The following C12orf42 variants were observed in gnomAD, a reference collection of about 807,000 sequenced individuals.
C12orf42 encodes uncharacterized protein C12orf42.
A neutral mutation model predicts 21.6 loss-of-function variants in C12orf42; 25 were observed. The observed-to-expected ratio is 1.16, with a 90% CI of 0.84 to 1.62. C12orf42 has a LOEUF of 1.62. C12orf42 is among the 40% of genes most tolerant of loss of function. C12orf42 has a pLI of 0.00. For missense variants in C12orf42, 483 were observed against 459.3 expected, an observed-to-expected ratio of 1.05 and a Z score of -0.47; for synonymous variants, 174 against 175.0, an observed-to-expected ratio of 0.99 and a Z score of 0.05.
intron 3 of C12orf42, among the ~76,000 whole-genome samples, chr12:103,371,038 G>A (rs2137951520): frequency 6.6e-6 from 1 of 152,162 alleles, no homozygotes; most frequent in African/African-American, 2.4e-5. Flanking sequence ...TTTGGATATT[G>A]GATATTAAAG....
At chr12:103,289,094 CT>C (rs1365781777) in intron 4 of C12orf42, among the ~76,000 whole-genome samples, 1 of 152,084 alleles carries the variant, frequency 6.6e-6, no homozygotes, top group Non-Finnish European at 1.5e-5. Flanking sequence ...GTTCTATTAT[CT>C]TATTGCTTTA....
At chr12:103,449,182 T>C (rs1183933494) in intron 2 of C12orf42, among the ~76,000 whole-genome samples, 1 of 151,956 alleles carries the variant, frequency 6.6e-6, no homozygotes, top group African/African-American at 2.4e-5. Context: ...AATAATGGCA[T>C]TTGCAGAAAC....
At chr12:103,545,419 T>C in the C12orf42 span, among the ~76,000 whole-genome samples, 1 of 152,108 alleles carries the variant, frequency 6.6e-6, no homozygotes, top group Non-Finnish European at 1.5e-5. Flanking sequence ...TAGAAGAGCA[T>C]AAACAAAGAT....
At chr12:103,101,341 A>G in the C12orf42 span, among the ~76,000 whole-genome samples, 1 of 152,168 alleles carries the variant, frequency 6.6e-6, no homozygotes, top group African/African-American at 2.4e-5. Flanking sequence ...CTGCATTAAC[A>G]CCTCAGATAA....
At chr12:103,236,891 C>A (rs1353933567), downstream of C12orf42, among the ~76,000 whole-genome samples, 2 of 152,092 alleles carry the variant, frequency 1.3e-5, no homozygotes, top group African/African-American at 4.8e-5. Context: ...ATCTATGAGA[C>A]CAAAAATCCT....
At chr12:103,131,804 T>A in the C12orf42 span, among the ~76,000 whole-genome samples, 1,162 of 152,180 alleles carry the variant, frequency 7.6e-3, 20 homozygotes, top group African/African-American at 0.027. Flanking sequence ...GGTGATGTTG[T>A]TGTTGGGTAA....
intron 4 of C12orf42, among the ~76,000 whole-genome samples, chr12:103,323,238 G>A (rs1326386376): frequency 2.6e-5 from 4 of 152,156 alleles, no homozygotes; most frequent in Admixed American, 2.6e-4. Context: ...TCCTGAAGCG[G>A]ATTTCTACAG....
At chr12:103,340,272 A>G (rs894921926) in intron 4 of C12orf42, among the ~76,000 whole-genome samples, 7 of 152,236 alleles carry the variant, frequency 4.6e-5, no homozygotes, top group Admixed American at 3.9e-4. Context: ...GGCAGCGAGG[A>G]AACTGCTCTA....
the C12orf42 span, among the ~76,000 whole-genome samples, chr12:103,130,586 G>C: frequency 6.6e-6 from 1 of 152,238 alleles, no homozygotes; most frequent in East Asian, 1.9e-4. Flanking sequence ...TCATTCATTA[G>C]GGAGTAGGTT....
chr12:103,563,735 T>C, the C12orf42 span, among the ~76,000 whole-genome samples: 35 of 152,014 alleles, frequency 2.3e-4, no homozygotes, highest in Non-Finnish European at 4.9e-4. Context: ...GGAGAGCACA[T>C]GGAAAAAAGT....
chr12:103,528,859 C>G, the C12orf42 span, among the ~76,000 whole-genome samples: 2 of 152,126 alleles, frequency 1.3e-5, no homozygotes, highest in Non-Finnish European at 2.9e-5. Flanking sequence ...CTACCTAATC[C>G]TCTAATAACT....
chr12:103,483,977 C>G (rs1954649854), intron 1 of C12orf42, among the ~76,000 whole-genome samples: 1 of 152,188 alleles, frequency 6.6e-6, no homozygotes, highest in African/African-American at 2.4e-5. Context: ...CACATCCCAG[C>G]AAAGGACATG....
chr12:103,486,611 G>C (rs562838213), intron 1 of C12orf42, among the ~76,000 whole-genome samples: 1 of 152,192 alleles, frequency 6.6e-6, no homozygotes, highest in East Asian at 1.9e-4. Context: ...TGGTTGGTAG[G>C]CTATTAATTA....
intron 4 of C12orf42, among the ~76,000 whole-genome samples, chr12:103,348,182 TAAGA>T (rs914924483): frequency 1.3e-5 from 2 of 152,270 alleles, no homozygotes; most frequent in South Asian, 2.1e-4. Flanking sequence ...CTGGAATGTA[TAAGA>T]AAGAGATAAG....
At chr12:103,257,507 G>A (rs1263838447) in intron 10 of C12orf42, among the ~76,000 whole-genome samples, 1 of 148,688 alleles carries the variant, frequency 6.7e-6, no homozygotes, top group African/African-American at 2.4e-5. Context: ...TACAAGACAT[G>A]AAGAAGCAAT....
chr12:103,554,255 G>T, the C12orf42 span, among the ~76,000 whole-genome samples: 1 of 152,120 alleles, frequency 6.6e-6, no homozygotes, highest in East Asian at 1.9e-4. Context: ...AATGACATTT[G>T]GCCAATATAA....
chr12:103,378,476 A>G lies in C12orf42; in HGVS notation c.148-9478T>C, dbSNP rs142876274. Among the ~76,000 whole-genome samples the G allele has an allele frequency of 4.9e-3, 746 of 152,198 alleles. 5 individuals are homozygous for G. Among genetic ancestry groups the G allele is most frequent in the Middle Eastern group, 6.8e-3 (2 of 294 alleles). ...TAATGGCCATGCTTCTTGCCTCACT[A>G]TCCCCATCCAAGGCAAATCCTGGAC... On this transcript the variant is annotated intron_variant, in intron 3 of 5. Transcript: ENST00000548883.
At chr12:103,249,123 A>C (rs577890347) in intron 10 of C12orf42, among the ~76,000 whole-genome samples, 9 of 152,158 alleles carry the variant, frequency 5.9e-5, no homozygotes, top group African/African-American at 1.9e-4. Flanking sequence ...GGGAGGTCAT[A>C]TTAGAAGGAG....
At chr12:103,498,304 G>T (rs1955623801), upstream of C12orf42, among the ~76,000 whole-genome samples, 2 of 152,180 alleles carry the variant, frequency 1.3e-5, no homozygotes, top group Admixed American at 6.5e-5. Context: ...AGCAGTCCCT[G>T]GTACCTAAAC....
Sources: gnomAD v4.1 joint callset for allele counts (sites outside exome capture counted in the v4.1 genomes callset) on GRCh38, gnomAD v4.1.1 for gene constraint, MANE v1.5 for transcripts, NCBI Gene and HGNC (gene_info 2026-07-23, HGNC 2026-07-21) for gene names.